The following BBOX1 variants were observed in gnomAD, a reference collection of about 807,000 sequenced individuals.
BBOX1 encodes gamma-butyrobetaine dioxygenase.
A neutral mutation model predicts 41.6 loss-of-function variants in BBOX1; 35 were observed. The observed-to-expected ratio is 0.84, with a 90% CI of 0.64 to 1.11. The LOEUF (loss-of-function observed/expected upper bound fraction) is 1.11. Among genes scored for constraint, BBOX1 ranks in the 50% most tolerant of loss-of-function variants. BBOX1 has a pLI of 0.00. For missense variants in BBOX1, 458 were observed against 460.6 expected, an observed-to-expected ratio of 0.99 and a Z score of 0.05; for synonymous variants, 163 against 154.7, an observed-to-expected ratio of 1.05 and a Z score of -0.40.
chr11:27,101,748 T>C (rs7121579), intron 5 of BBOX1, among the ~76,000 whole-genome samples: 73,876 of 151,932 alleles, frequency 0.49, 19,337 homozygotes, highest in East Asian at 0.66. Flanking sequence ...GAGACAAAAA[T>C]TGTATATATT....
chr11:27,076,450 T>C (rs1564966318), intron 4 of BBOX1, among the ~76,000 whole-genome samples: 1 of 152,184 alleles, frequency 6.6e-6, no homozygotes, highest in Non-Finnish European at 1.5e-5. Flanking sequence ...CATTTTCTCC[T>C]TCTTGAGCAC....
chr11:27,048,424 A>G (rs530703978), intron 2 of BBOX1, among the ~76,000 whole-genome samples: 2 of 151,938 alleles, frequency 1.3e-5, no homozygotes, highest in South Asian at 4.2e-4. Flanking sequence ...GTTATCAAAA[A>G]TGACAGAATT....
At chr11:27,068,068 C>G (rs996964087) in intron 4 of BBOX1, among the ~76,000 whole-genome samples, 1 of 142,530 alleles carries the variant, frequency 7.0e-6, no homozygotes, top group South Asian at 2.2e-4. Context: ...TTTTACATGA[C>G]TTTTTTCCTT....
Position 27,048,355 on chromosome 11 carries a change from A to G in BBOX1, c.-39+6877A>G, listed in dbSNP as rs188084164. Among the ~76,000 whole-genome samples, 67 of 152,066 alleles carry G rather than the reference A, an allele frequency of 4.4e-4. No homozygotes were observed. In the South Asian group the frequency reaches 0.011, roughly 24 times the overall value. On this transcript the variant is annotated intron_variant, in intron 2 of 8. Coordinates refer to ENST00000263182, the MANE Select transcript of BBOX1 (RefSeq NM_003986.3). ...CCATGTATAAGTGATATCATATTGC[A>G]TTTGTCTTTCTGTGCCTGACTTATT...
chr11:27,060,270 C>T (rs983281317), intron 4 of BBOX1, among the ~76,000 whole-genome samples: 2 of 152,090 alleles, frequency 1.3e-5, no homozygotes, highest in Admixed American at 6.6e-5. Context: ...AGCAACACCT[C>T]CCTTATCTGT....
At chr11:27,124,371 CACT>C (rs1859570713) in intron 7 of BBOX1, among the ~76,000 whole-genome samples, 1 of 152,160 alleles carries the variant, frequency 6.6e-6, no homozygotes, top group African/African-American at 2.4e-5. Context: ...AGTTGACTGA[CACT>C]TTAAGATCGT....
chr11:27,105,361 T>C (rs1858826416), intron 5 of BBOX1, among the ~76,000 whole-genome samples: 1 of 152,042 alleles, frequency 6.6e-6, no homozygotes. Context: ...ATTAGACAAA[T>C]GGCTAACTAG....
rs142611746 is a variant in BBOX1 at position 27,058,979 on chromosome 11, A to G, written c.334+1664A>G. Among the ~76,000 whole-genome samples the G allele has an allele frequency of 1.8e-3, 268 of 152,350 alleles. 1 individual carries two copies. Among genetic ancestry groups the G allele is most frequent in the African/African-American group, 6.2e-3 (258 of 41,596 alleles). ...AACCACTTATTAGAGATATTTGTATATAAGAAGAAGCCAGTGCTAATAGCC... is the reference window on the plus strand; with the variant it reads ...AACCACTTATTAGAGATATTTGTATGTAAGAAGAAGCCAGTGCTAATAGCC... On this transcript the variant is annotated intron_variant, in intron 4 of 8. Coordinates refer to ENST00000263182, the MANE Select transcript of BBOX1 (RefSeq NM_003986.3).
chr11:27,121,005 T>C (rs1390837860), intron 7 of BBOX1, among the ~76,000 whole-genome samples: 8 of 152,122 alleles, frequency 5.3e-5, no homozygotes, highest in Non-Finnish European at 7.4e-5. Context: ...TTAAAAATTA[T>C]TAAATGCTTA....
intron 5 of BBOX1, among the ~76,000 whole-genome samples, chr11:27,106,605 CAA>C (rs1858877452): frequency 6.6e-6 from 1 of 152,098 alleles, no homozygotes; most frequent in African/African-American, 2.4e-5. Flanking sequence ...TAGAGACCTA[CAA>C]AGAGACTTAG....
At chr11:27,093,501 G>A in intron 5 of BBOX1, 135 bp downstream of exon 5, 1 of 959,750 alleles carries the variant, frequency 1.0e-6, no homozygotes, top group Non-Finnish European at 1.5e-6. Context: ...AAAAAGAAGA[G>A]TCTAAAAGTA....
At chr11:27,111,624 T>C (rs1859066876) in intron 5 of BBOX1, among the ~76,000 whole-genome samples, 1 of 152,038 alleles carries the variant, frequency 6.6e-6, no homozygotes, top group Admixed American at 6.6e-5. Flanking sequence ...CTGTTGTGTG[T>C]CATTTAGTAC....
intron 7 of BBOX1, among the ~76,000 whole-genome samples, chr11:27,125,154 A>G (rs1859606083): frequency 6.6e-6 from 1 of 152,188 alleles, no homozygotes; most frequent in South Asian, 2.1e-4. Context: ...TTCTTTTCTC[A>G]TGCTTTGGTT....
At position 27,115,636 on chromosome 11, in the gene BBOX1, A is replaced by G. The variant is rs546778905; in HGVS notation, c.639+79A>G. The G allele has an allele frequency of 5.7e-6, 7 of 1,223,804 alleles. No homozygotes were observed. The South Asian group carries it at 9.0e-5, about 16-fold the overall frequency. 75.8% of individuals were successfully genotyped at this position (1,223,804 alleles called of 1,614,324 possible). On this transcript the variant is annotated intron_variant, in intron 6 of 8. Coordinates refer to ENST00000263182, the MANE Select transcript of BBOX1 (RefSeq NM_003986.3). ...TCGTATTTTGAGTCTAGAAGATTAC[A>G]CATTTCACCAGGTAGTTTGTCTTTT...
intron 2 of BBOX1, among the ~76,000 whole-genome samples, chr11:27,048,902 C>A (rs1375972858): frequency 7.5e-5 from 9 of 119,256 alleles, no homozygotes; most frequent in Middle Eastern, 5.3e-3. Context: ...CCCCCCTCCC[C>A]CCACCCCACA....
chr11:27,068,329 T>C (rs942713648), intron 4 of BBOX1, among the ~76,000 whole-genome samples: 36 of 152,202 alleles, frequency 2.4e-4, no homozygotes, highest in African/African-American at 2.4e-5. Context: ...TGACTAGTGA[T>C]GCTGAGCATT....
In BBOX1 at chr11:27,047,581, GAATA is replaced by G. The variant is rs1399153999; in HGVS notation, c.-39+6104_-39+6107del. On this transcript the variant is annotated intron_variant, in intron 2 of 8. Transcript: ENST00000263182. ...CCAAAAAATTTTCAAACACATGAAT[GAATA>G]TATTTTTTAAAATGTATTGAGTTTA... Among the ~76,000 whole-genome samples, 14 of 152,110 alleles carry G rather than the reference GAATA, an allele frequency of 9.2e-5. 2 individuals carry two copies. The highest frequency in any genetic ancestry group is 3.1e-4 in the African/African-American group (13 of 41,512).
At chr11:27,073,578 T>C (rs546216714) in intron 4 of BBOX1, among the ~76,000 whole-genome samples, 6,678 of 145,018 alleles carry the variant, frequency 0.046, 638 homozygotes, top group African/African-American at 0.17. Flanking sequence ...ACCCAAAGGA[T>C]TATAAATCAT....
chr11:27,115,517 G>C lies in BBOX1; in HGVS notation c.599G>C (p.Ser200Thr), dbSNP rs202107611. 19 of 1,611,210 alleles carry C rather than the reference G, an allele frequency of 1.2e-5. No individual in the cohort carries two copies. Among genetic ancestry groups the C allele is most frequent in the Non-Finnish European group, 1.6e-5 (19 of 1,178,160 alleles). Reference sequence around the variant, plus strand: ...GTGGCTTACACAACTGGGAAGCTAAGCTTTCACACTGATTATCCAGCCCTC... The same window carrying C: ...GTGGCTTACACAACTGGGAAGCTAACCTTTCACACTGATTATCCAGCCCTC... The part of the protein sequence containing the change: ...NNVAYTTGKL[S>T]FHTDYPALHH... Residue 200 changes from serine to threonine, a missense_variant, in exon 6 of 9, where the codon AGC (serine) becomes ACC (threonine). Physicochemically the swap from Ser to Thr is moderately conservative, Grantham distance 58. Coordinates refer to ENST00000263182, the MANE Select transcript of BBOX1 (RefSeq NM_003986.3).
Sources: gnomAD v4.1 joint callset for allele counts (sites outside exome capture counted in the v4.1 genomes callset) on GRCh38, gnomAD v4.1.1 for gene constraint, MANE v1.5 for transcripts, NCBI Gene and HGNC (gene_info 2026-07-23, HGNC 2026-07-21) for gene names.